Variants in PRPF38B observed in about 807,000 individuals in gnomAD.
PRPF38B encodes the protein pre-mRNA processing factor 38B.
PRPF38B carries 18 observed loss-of-function variants against 67.2 expected under a neutral mutation model. The observed-to-expected ratio is 0.27, with a 90% CI of 0.19 to 0.40. The LOEUF is 0.40. Ranked by LOEUF, PRPF38B falls within the 10% of genes least tolerant of loss-of-function variation. The pLI is 1.00. For synonymous variants in PRPF38B, 246 were observed against 234.2 expected (o/e 1.05, Z -0.46); for missense variants, 544 against 684.9 (o/e 0.79, Z 2.30).
rs1260354166 is a variant in PRPF38B at position 108,699,698 on chromosome 1, G to A, written c.1319G>A (p.Arg440Gln). Residue 440 changes from arginine (R) to glutamine (Q), a missense_variant, in exon 6 of 6, where the codon CGA (arginine) becomes CAA (glutamine). Transcript: ENST00000370025. The stretch of plus-strand genomic sequence containing the variant: ...GAAAGGAAACACAGAAGTAGGAGTC[G>A]AAGTAGAAATGCAGGGAAACGAAGT... The part of the protein sequence containing the change: ...SRERKHRSRS[R>Q]SRNAGKRSRS... The A allele has an allele frequency of 5.0e-6, 8 of 1,607,460 alleles. No homozygotes were observed. The highest frequency in any genetic ancestry group is 5.9e-6 in the Non-Finnish European group (7 of 1,176,474).
chr1:108,699,133 A>G (rs781244119), intron 5 of PRPF38B, 29 bp from the exon 6 acceptor site: 31 of 1,559,712 alleles, frequency 2.0e-5, no homozygotes, highest in Non-Finnish European at 2.6e-5. Context: ...TATTCATTGA[A>G]ATTTTCTTTC....
chr1:108,699,907 C>T lies in PRPF38B; in HGVS notation c.1528C>T (p.Arg510Ter), dbSNP rs767920186. 8.7e-6 allele frequency: 14 copies of T among 1,613,958 alleles called. No individual in the cohort carries two copies. The highest frequency in any genetic ancestry group is 1.1e-5 in the South Asian group (1 of 91,072). Residue 510 changes from arginine (R) to a stop codon, truncating the protein, a stop_gained, in exon 6 of 6, where the codon CGA becomes TGA. Transcript: ENST00000370025. LOFTEE classifies it high-confidence loss of function. ...RSRSKERSHKRDHSDSKDQSD... is the reference protein window; with the variant it reads ...RSRSKERSHK ...TAGAAGCAAAGAACGTTCCCACAAA[C>T]GAGATCACAGTGATAGTAAGGACCA...
At position 108,699,899 on chromosome 1, in the gene PRPF38B, C is replaced by G; in HGVS notation, c.1520C>G (p.Ser507Cys). Residue 507 changes from serine (S) to cysteine (C), a missense_variant, in exon 6 of 6, where the codon TCC (serine) becomes TGC (cysteine). Around this residue, in one of 5 missense-constraint regions of PRPF38B, gnomAD observed 387 missense variants for 386.1 expected, o/e 1.00. Transcript: ENST00000370025. ...AAGCGTAGTAGAAGCAAAGAACGTT[C>G]CCACAAACGAGATCACAGTGATAGT... The part of the protein sequence containing the change: ...SRKRSRSKER[S>C]HKRDHSDSKD... The G allele has an allele frequency of 6.2e-7, 1 of 1,614,064 alleles. No homozygotes were observed. Among genetic ancestry groups the G allele is most frequent in the Non-Finnish European group, 8.5e-7 (1 of 1,180,020 alleles).
Position 108,699,561 on chromosome 1 carries a change from T to C in PRPF38B, c.1182T>C (p.Ser394=). 6.5e-7 allele frequency: 1 copy of C among 1,546,416 alleles called. No individual in the cohort carries two copies. The highest frequency in any genetic ancestry group is 8.7e-7 in the Non-Finnish European group (1 of 1,145,216). The change falls in exon 6 of 6, where the codon AGT becomes AGC. Residue 394 remains serine (S), a synonymous_variant. Coordinates refer to ENST00000370025, the MANE Select transcript of PRPF38B (RefSeq NM_018061.4). ...GAGAAAGGTCCAAGGAACAGAGAAG[T>C]AGGGGAGAGGTAGAAGAGAAGAAAC... The part of the protein sequence containing the change: ...RSRERSKEQR[S]RGEVEEKKHK...
intron 4 of PRPF38B, 74 bp downstream of exon 4, chr1:108,696,411 G>A (rs1448020557): frequency 1.5e-6 from 2 of 1,351,162 alleles, no homozygotes; most frequent in Non-Finnish European, 2.1e-6. Context: ...TTTATTGGTG[G>A]TTTAATGTCT....
In PRPF38B at chr1:108,699,261, A is replaced by G; in HGVS notation, c.882A>G (p.Glu294=). ...ATGGGTCTTCTAGTTTTGACAGAGA[A>G]TTAGAAAGAGAGAAAGAACGCCAGC... ...EGHGSSSFDR[E]LEREKERQRL... Residue 294 remains glutamate, a synonymous_variant, in exon 6 of 6, where the codon GAA becomes GAG. Transcript: ENST00000370025. 1 of 1,614,130 alleles carries G rather than the reference A, an allele frequency of 6.2e-7. No homozygotes were observed. Among genetic ancestry groups the G allele is most frequent in the Non-Finnish European group, 8.5e-7 (1 of 1,180,014 alleles).
chr1:108,695,641 T>G lies in PRPF38B; in HGVS notation c.277-61T>G. 2.6e-6 allele frequency: 4 copies of G among 1,549,104 alleles called. No homozygotes were observed. The South Asian group carries it at 4.6e-5, about 18-fold the overall frequency. On this transcript the variant is annotated intron_variant, in intron 1 of 5. Coordinates refer to ENST00000370025, the MANE Select transcript of PRPF38B (RefSeq NM_018061.4). ...TATTATGGACTTGGGTTTACTTTTATCAGGCTTTTAAACAAATTCAAAGTA... is the reference window on the plus strand; with the variant it reads ...TATTATGGACTTGGGTTTACTTTTAGCAGGCTTTTAAACAAATTCAAAGTA...
At chr1:108,695,654 C>G in intron 1 of PRPF38B, 48 bp from the exon 2 acceptor site, 1 of 1,583,086 alleles carries the variant, frequency 6.3e-7, no homozygotes, top group Non-Finnish European at 8.6e-7. Context: ...GGCTTTTAAA[C>G]AAATTCAAAG....
Position 108,699,965 on chromosome 1 carries a change from G to A in PRPF38B, c.1586G>A (p.Ser529Asn). 1 of 1,608,568 alleles carries A rather than the reference G, an allele frequency of 6.2e-7. No homozygotes were observed. The highest frequency in any genetic ancestry group is 1.1e-5 in the South Asian group (1 of 90,126). The change falls in exon 6 of 6, where the codon AGT becomes AAT. Residue 529 changes from serine (S) to asparagine (N), a missense_variant. Physicochemically the swap from Ser to Asn is conservative, Grantham distance 46 (BLOSUM62 1). This residue lies in a region of PRPF38B where 387 missense variants were observed against 386.1 expected (regional missense o/e 1.00). Coordinates refer to ENST00000370025, the MANE Select transcript of PRPF38B (RefSeq NM_018061.4). ...AAACATGATCGTCGAAGGAGCCAAA[G>A]TATAGAACAAGAGAGCCAAGAAAAA... ...SDKHDRRRSQSIEQESQEKQH... is the reference protein window; with the variant it reads ...SDKHDRRRSQNIEQESQEKQH...
At chr1:108,696,984 T>C in intron 4 of PRPF38B, 1 of 536,790 alleles carries the variant, frequency 1.9e-6, no homozygotes. Context: ...TTAAATCGTG[T>C]ATGCATTGGC....
intron 1 of PRPF38B, among the ~76,000 whole-genome samples, chr1:108,693,843 A>G (rs186686355): frequency 1.3e-5 from 2 of 152,328 alleles, no homozygotes; most frequent in Non-Finnish European, 1.5e-5. Flanking sequence ...TTTAAAGAAT[A>G]TTAATAATAG....
Position 108,696,245 on chromosome 1 carries a change from A to G in PRPF38B, c.498-32A>G, listed in dbSNP as rs770906718. 4.3e-6 allele frequency: 7 copies of G among 1,610,506 alleles called. No individual in the cohort carries two copies. In the Admixed American group the frequency reaches 5.0e-5, roughly 12 times the overall value. On this transcript the variant is annotated intron_variant, in intron 3 of 5. Transcript: ENST00000370025. ...CAGTAAATATCTCATTTTAATTCACATGTGTTTAATAATAGTCTTTTGTAA... is the reference window on the plus strand; with the variant it reads ...CAGTAAATATCTCATTTTAATTCACGTGTGTTTAATAATAGTCTTTTGTAA...
Position 108,699,732 on chromosome 1 carries a change from A to G in PRPF38B, c.1353A>G (p.Arg451=), listed in dbSNP as rs1660261982. ...ATGCAGGGAAACGAAGTAGAAGTAG[A>G]AGCAAAGAGAAATCAAGTAAACATA... ...SRNAGKRSRS[R]SKEKSSKHKN... The change falls in exon 6 of 6, where the codon AGA becomes AGG. Residue 451 remains arginine (R), a synonymous_variant. Transcript: ENST00000370025. 1.2e-6 allele frequency: 2 copies of G among 1,613,688 alleles called. No homozygotes were observed. The highest frequency in any genetic ancestry group is 1.7e-5 in the Admixed American group (1 of 59,954).
chr1:108,693,044 G>C (rs1389190570), intron 1 of PRPF38B, among the ~76,000 whole-genome samples, 177 bp downstream of exon 1: 3 of 152,064 alleles, frequency 2.0e-5, no homozygotes, highest in African/African-American at 7.2e-5. Flanking sequence ...CCGCCCTCTC[G>C]TTTCCATTTT....
At chr1:108,695,606 A>C in intron 1 of PRPF38B, 96 bp from the exon 2 acceptor site, 32 of 1,144,342 alleles carry the variant, frequency 2.8e-5, no homozygotes, top group East Asian at 5.0e-5. Context: ...TAATTTTGGA[A>C]GAGCTGCTCT....
chr1:108,695,947 T>A (rs1659824092), intron 2 of PRPF38B, 96 bp from the exon 3 acceptor site: 1 of 1,407,162 alleles, frequency 7.1e-7, no homozygotes, highest in Admixed American at 2.0e-5. Context: ...TAGTTCTGGA[T>A]TATGGATTGT....
At position 108,700,163 on chromosome 1, in the gene PRPF38B, A is replaced by G. The variant is rs757577268; in HGVS notation, c.*143A>G. ...TTTCATTTCCTCTTTCGTGTAGGGA[A>G]GTGCCTTTGTAATTCCATTTATTGC... On this transcript the variant is annotated 3_prime_UTR_variant, in exon 6 of 6. Coordinates refer to ENST00000370025, the MANE Select transcript of PRPF38B (RefSeq NM_018061.4). The G allele has an allele frequency of 2.7e-5, 36 of 1,335,074 alleles. No individual in the cohort carries two copies. The highest frequency in any genetic ancestry group is 2.3e-5 in the Non-Finnish European group (23 of 1,018,640). 82.7% of individuals were successfully genotyped at this position (1,335,074 alleles called of 1,614,324 possible).
chr1:108,693,279 T>G (rs570317651), intron 1 of PRPF38B, among the ~76,000 whole-genome samples: 23 of 152,218 alleles, frequency 1.5e-4, no homozygotes, highest in Non-Finnish European at 3.1e-4. Context: ...GTGTAATGAC[T>G]TCAGTATTGG....
chr1:108,700,187 G>A lies in PRPF38B; in HGVS notation c.*167G>A, dbSNP rs944667896. 5 of 1,181,246 alleles carry A rather than the reference G, an allele frequency of 4.2e-6. No individual in the cohort carries two copies. The highest frequency in any genetic ancestry group is 1.6e-5 in the African/African-American group (1 of 64,158). 73.2% of individuals were successfully genotyped at this position (1,181,246 alleles called of 1,614,324 possible). On this transcript the variant is annotated 3_prime_UTR_variant, in exon 6 of 6. Transcript: ENST00000370025. ...AAGTGCCTTTGTAATTCCATTTATT[G>A]CATTGGTGTTTTCACCCAATTGTTA...
Sources: gnomAD v4.1 joint callset for allele counts (sites outside exome capture counted in the v4.1 genomes callset) on GRCh38, gnomAD v4.1.1 for gene constraint, gnomAD v4.1.1 regional missense constraint, MANE v1.5 for transcripts, NCBI Gene and HGNC (gene_info 2026-07-23, HGNC 2026-07-21) for gene names.